Variants in HSD17B12 observed in about 807,000 individuals in gnomAD.
HSD17B12 encodes hydroxysteroid 17-beta dehydrogenase 12.
A neutral mutation model predicts 39.3 loss-of-function variants in HSD17B12; 32 were observed. The observed-to-expected ratio is 0.81, with a 90% CI of 0.61 to 1.09. HSD17B12 has a LOEUF of 1.09. HSD17B12 is among the 50% of genes least tolerant of loss of function. The pLI is 0.00. For synonymous variants in HSD17B12, 150 were observed against 146.7 expected (o/e 1.02, Z -0.16); for missense variants, 342 against 382.9 (o/e 0.89, Z 0.89).
chr11:43,696,403 A>G (rs1351161513), intron 1 of HSD17B12, among the ~76,000 whole-genome samples: 2 of 152,236 alleles, frequency 1.3e-5, no homozygotes, highest in Non-Finnish European at 2.9e-5. Context: ...GTGGCCAAGA[A>G]ACATATGAAA....
chr11:43,742,137 A>ATT (rs1238363486), intron 1 of HSD17B12, among the ~76,000 whole-genome samples: 3,475 of 84,880 alleles, frequency 0.041, 50 homozygotes, highest in East Asian at 0.084. Flanking sequence ...ATATATATAT[A>ATT]TATTTTTTTT....
At chr11:43,739,406 A>G (rs1950344853) in intron 1 of HSD17B12, among the ~76,000 whole-genome samples, 1 of 152,210 alleles carries the variant, frequency 6.6e-6, no homozygotes, top group Admixed American at 6.5e-5. Context: ...TAAAATACAT[A>G]AAGAACAGAA....
intron 1 of HSD17B12, among the ~76,000 whole-genome samples, chr11:43,718,366 G>T (rs1465791280): frequency 6.6e-6 from 1 of 152,124 alleles, no homozygotes; most frequent in East Asian, 1.9e-4. Context: ...TCAACCTGGA[G>T]TCCAGTATCT....
intron 6 of HSD17B12, among the ~76,000 whole-genome samples, chr11:43,816,654 G>T (rs1222715723): frequency 6.6e-6 from 1 of 151,770 alleles, no homozygotes; most frequent in Non-Finnish European, 1.5e-5. Flanking sequence ...TGGGGAACAG[G>T]TGGTGTTTGG....
At chr11:43,849,792 A>G (rs1436044252) in intron 9 of HSD17B12, among the ~76,000 whole-genome samples, 4 of 152,208 alleles carry the variant, frequency 2.6e-5, no homozygotes, top group African/African-American at 9.7e-5. Context: ...AAGCTCTGTA[A>G]GATTAGGGAC....
In HSD17B12 at chr11:43,840,027, T is replaced by C; in HGVS notation, c.647T>C (p.Leu216Pro). 1 of 1,612,744 alleles carries C rather than the reference T, an allele frequency of 6.2e-7. No homozygotes were observed. The highest frequency in any genetic ancestry group is 2.2e-5 in the East Asian group (1 of 44,820). ...KTFVDFFSQC[L>P]HEEYRSKGVF... ...TTTGTAGATTTCTTCTCTCAGTGCC[T>C]CCATGAGGAGTATAGGAGCAAGGGC... Residue 216 changes from leucine to proline, a missense_variant, in exon 9 of 11, where the codon CTC becomes CCC. Leu to Pro is a moderately conservative substitution (Grantham distance 98, BLOSUM62 -3). Coordinates refer to ENST00000278353, the MANE Select transcript of HSD17B12 (RefSeq NM_016142.3).
the HSD17B12 span, among the ~76,000 whole-genome samples, chr11:43,563,112 G>A: frequency 6.6e-6 from 1 of 152,124 alleles, no homozygotes; most frequent in Non-Finnish European, 1.5e-5. Flanking sequence ...TCCTAGTGGA[G>A]GACAGAAGAA....
the HSD17B12 span, among the ~76,000 whole-genome samples, chr11:43,588,638 A>ATTATTATTATTATTATT: frequency 3.0e-4 from 19 of 62,840 alleles, no homozygotes; most frequent in East Asian, 4.7e-3. Context: ...TTATTATTAT[A>ATTATTATTATTATTATT]GTGTTCTCTT....
At chr11:43,714,798 G>C (rs903336397) in intron 1 of HSD17B12, among the ~76,000 whole-genome samples, 2 of 151,896 alleles carry the variant, frequency 1.3e-5, no homozygotes, top group African/African-American at 2.4e-5. Flanking sequence ...CTTTTATTTC[G>C]TTGAGCAGTG....
At chr11:43,627,513 A>C in the HSD17B12 span, among the ~76,000 whole-genome samples, 3 of 151,956 alleles carry the variant, frequency 2.0e-5, no homozygotes, top group Non-Finnish European at 2.9e-5. Context: ...GTATTAAAAA[A>C]TCTGTATTCT....
the HSD17B12 span, among the ~76,000 whole-genome samples, chr11:43,594,352 T>C: frequency 6.6e-6 from 1 of 152,044 alleles, no homozygotes; most frequent in African/African-American, 2.4e-5. Flanking sequence ...AAGATTCTTT[T>C]AGGGAAAATT....
chr11:43,656,681 G>A, the HSD17B12 span, among the ~76,000 whole-genome samples: 3 of 152,088 alleles, frequency 2.0e-5, no homozygotes, highest in African/African-American at 7.2e-5. Flanking sequence ...TCAGGAGCAG[G>A]GTGTTCAGTT....
Position 43,680,902 on chromosome 11 carries a change from T to G in HSD17B12, c.75T>G (p.Arg25=), listed in dbSNP as rs1021834408. ...GCACCGTGGCCTACCTAGCCCTGCG[T>G]ATTTCGTACTCGCTCTTCACGGCCC... is the stretch of plus-strand genomic sequence containing the variant. ...GAGTVAYLAL[R]ISYSLFTALR... Residue 25 remains arginine, a synonymous_variant, in exon 1 of 11, where the codon CGT becomes CGG. Transcript: ENST00000278353. 4 of 1,613,846 alleles carry G rather than the reference T, an allele frequency of 2.5e-6. No homozygotes were observed. The African/African-American group carries it at 4.0e-5, about 16-fold the overall frequency.
At chr11:43,848,652 A>T (rs1445676721) in intron 9 of HSD17B12, 1 of 152,230 alleles carries the variant, frequency 6.6e-6, no homozygotes, top group East Asian at 1.9e-4. Flanking sequence ...ATAGCCTCTA[A>T]TTACAGAGGA....
At chr11:43,700,738 A>G (rs1949956452) in intron 1 of HSD17B12, among the ~76,000 whole-genome samples, 1 of 152,156 alleles carries the variant, frequency 6.6e-6, no homozygotes, top group Non-Finnish European at 1.5e-5. Context: ...TCATCTGTCG[A>G]CGGACACTTA....
the HSD17B12 span, among the ~76,000 whole-genome samples, chr11:43,633,544 A>G: frequency 7.6e-4 from 115 of 152,254 alleles, no homozygotes; most frequent in African/African-American, 2.6e-3. Flanking sequence ...AAAATAAATT[A>G]AAATAAGTAA....
intron 1 of HSD17B12, among the ~76,000 whole-genome samples, chr11:43,730,543 G>T (rs899919975): frequency 1.3e-5 from 2 of 152,160 alleles, no homozygotes; most frequent in Non-Finnish European, 2.9e-5. Flanking sequence ...GAGAATAAAT[G>T]AGCATTCTTC....
In HSD17B12 at chr11:43,840,030, A is replaced by G. The variant is rs766128479; in HGVS notation, c.650A>G (p.His217Arg). Reference protein sequence around the residue: ...TFVDFFSQCLHEEYRSKGVFV... With the variant: ...TFVDFFSQCLREEYRSKGVFV... ...GTAGATTTCTTCTCTCAGTGCCTCC[A>G]TGAGGAGTATAGGAGCAAGGGCGTC... The change falls in exon 9 of 11, where the codon CAT becomes CGT. Residue 217 changes from histidine to arginine, a missense_variant. Coordinates refer to ENST00000278353, the MANE Select transcript of HSD17B12 (RefSeq NM_016142.3). 1.2e-6 allele frequency: 2 copies of G among 1,612,756 alleles called. No individual in the cohort carries two copies. The highest frequency in any genetic ancestry group is 8.5e-7 in the Non-Finnish European group (1 of 1,179,168).
the HSD17B12 span, among the ~76,000 whole-genome samples, chr11:43,674,728 G>A: frequency 7.2e-5 from 11 of 152,212 alleles, no homozygotes; most frequent in African/African-American, 2.7e-4. Context: ...AAGAGGCACA[G>A]ATGTGTATTC....
Sources: gnomAD v4.1 joint callset for allele counts (sites outside exome capture counted in the v4.1 genomes callset) on GRCh38, gnomAD v4.1.1 for gene constraint, MANE v1.5 for transcripts, NCBI Gene and HGNC (gene_info 2026-07-23, HGNC 2026-07-21) for gene names.